AUTS2: variants seen among roughly 807,000 people sequenced by gnomAD.
AUTS2 encodes activator of transcription and developmental regulator AUTS2.
A neutral mutation model predicts 112.4 loss-of-function variants in AUTS2; 17 were observed. The ratio of observed to expected loss-of-function variants is 0.15; its 90% CI spans 0.10 to 0.23. The LOEUF is 0.23. Ranked by LOEUF, AUTS2 falls within the 10% of genes least tolerant of loss-of-function variation. AUTS2 has a pLI of 1.00. For synonymous variants in AUTS2, 751 were observed against 702.7 expected, an observed-to-expected ratio of 1.07 and a Z score of -1.09; for missense variants, 1,510 against 1,701.6, an observed-to-expected ratio of 0.89 and a Z score of 1.98.
At chr7:69,932,031 C>T (rs1796245981) in intron 2 of AUTS2, among the ~76,000 whole-genome samples, 1 of 152,158 alleles carries the variant, frequency 6.6e-6, no homozygotes, top group African/African-American at 2.4e-5. Context: ...TCAGAATCTC[C>T]CCTGAGTCTG....
At chr7:70,525,914 CT>C (rs1012542358) in intron 5 of AUTS2, among the ~76,000 whole-genome samples, 15 of 152,220 alleles carry the variant, frequency 9.9e-5, no homozygotes, top group African/African-American at 3.6e-4. Flanking sequence ...GCCCTGGCCG[CT>C]GCTCACAGCA....
chr7:69,732,355 A>G (rs948284549), intron 1 of AUTS2, among the ~76,000 whole-genome samples: 2 of 151,946 alleles, frequency 1.3e-5, no homozygotes, highest in African/African-American at 2.4e-5. Context: ...ACCCTACATG[A>G]GGAAGTAAAC....
intron 1 of AUTS2, among the ~76,000 whole-genome samples, chr7:69,863,110 T>C (rs1353434597): frequency 1.3e-5 from 2 of 152,138 alleles, no homozygotes; most frequent in Non-Finnish European, 2.9e-5. Context: ...CATACACATA[T>C]GTGTATATTT....
intron 4 of AUTS2, among the ~76,000 whole-genome samples, chr7:70,231,018 C>T (rs1177226314): frequency 6.6e-6 from 1 of 152,268 alleles, no homozygotes. Context: ...GCTATAGACT[C>T]TCACTGTTGT....
intron 2 of AUTS2, among the ~76,000 whole-genome samples, chr7:70,096,208 C>G (rs1370191666): frequency 1.3e-5 from 2 of 152,106 alleles, no homozygotes; most frequent in Admixed American, 6.6e-5. Context: ...ATGGATATTT[C>G]AAGTACACTG....
chr7:69,796,523 CAAAAAAA>C (rs57474916), intron 1 of AUTS2, among the ~76,000 whole-genome samples: 5 of 126,168 alleles, frequency 4.0e-5, no homozygotes, highest in Admixed American at 8.1e-5. Flanking sequence ...ACTCTGTTTC[CAAAAAAA>C]AAAAAAAAGA....
intron 2 of AUTS2, among the ~76,000 whole-genome samples, chr7:70,014,805 C>A (rs1346801051): frequency 1.3e-5 from 2 of 152,136 alleles, no homozygotes; most frequent in Admixed American, 1.3e-4. Flanking sequence ...AGAATACTGT[C>A]CCCCAGAATA....
At chr7:70,505,993 G>A (rs1450526242) in intron 5 of AUTS2, among the ~76,000 whole-genome samples, 4 of 152,166 alleles carry the variant, frequency 2.6e-5, no homozygotes, top group South Asian at 4.1e-4. Context: ...CCAAGACCAG[G>A]CGCTGGCCTT....
At chr7:69,805,831 A>G (rs1344299236) in intron 1 of AUTS2, among the ~76,000 whole-genome samples, 2 of 152,226 alleles carry the variant, frequency 1.3e-5, no homozygotes, top group Admixed American at 6.5e-5. Context: ...GCAGTGACAG[A>G]AAGTTTTCTT....
chr7:70,677,857 G>A (rs1807998655), intron 5 of AUTS2, among the ~76,000 whole-genome samples: 1 of 152,096 alleles, frequency 6.6e-6, no homozygotes. Flanking sequence ...GCCGAGGCGG[G>A]TGGATCACAA....
chr7:70,672,511 A>G (rs1807695873), intron 5 of AUTS2, among the ~76,000 whole-genome samples: 1 of 152,226 alleles, frequency 6.6e-6, no homozygotes. Flanking sequence ...GTTAAAGGCC[A>G]GAGTTACTCT....
intron 5 of AUTS2, among the ~76,000 whole-genome samples, chr7:70,534,399 T>A (rs751949605): frequency 3.4e-4 from 7 of 20,522 alleles, no homozygotes; most frequent in Non-Finnish European, 6.0e-4. Context: ...AATATGAATT[T>A]GTTTGTTTGT....
intron 4 of AUTS2, among the ~76,000 whole-genome samples, chr7:70,267,452 A>G (rs1343679706): frequency 2.0e-5 from 3 of 152,160 alleles, no homozygotes; most frequent in Non-Finnish European, 4.4e-5. Context: ...AGATTATAGG[A>G]AGCAATGCTG....
chr7:70,100,795 G>A (rs532439498), intron 2 of AUTS2, among the ~76,000 whole-genome samples: 26 of 152,264 alleles, frequency 1.7e-4, no homozygotes, highest in African/African-American at 6.3e-4. Context: ...ATTACAATAG[G>A]AATATGAGGT....
intron 1 of AUTS2, among the ~76,000 whole-genome samples, chr7:69,888,578 G>GT (rs1794385042): frequency 1.1e-5 from 1 of 95,066 alleles, no homozygotes; most frequent in Non-Finnish European, 2.1e-5. Context: ...TATATGTATG[G>GT]TTTTTTAAAT....
intron 4 of AUTS2, among the ~76,000 whole-genome samples, chr7:70,327,675 C>T (rs1007595183): frequency 2.0e-5 from 3 of 152,096 alleles, no homozygotes; most frequent in Non-Finnish European, 4.4e-5. Context: ...ATGTTCTGGG[C>T]GTAATCATCC....
At chr7:70,764,642 AAG>A in intron 7 of AUTS2, 108 bp from the exon 8 acceptor site, 2 of 653,200 alleles carry the variant, frequency 3.1e-6, no homozygotes, top group South Asian at 3.7e-5. Context: ...AGGAAGGGGC[AAG>A]AGAGACTGTG....
At chr7:70,296,707 C>G (rs1401552020) in intron 4 of AUTS2, among the ~76,000 whole-genome samples, 1 of 152,172 alleles carries the variant, frequency 6.6e-6, no homozygotes, top group Non-Finnish European at 1.5e-5. Context: ...CATGCTGAGG[C>G]ATGAACTTCC....
Position 70,792,563 on chromosome 7 carries a change from T to C in AUTS2, c.*1567T>C, listed in dbSNP as rs1792041129. The C allele has an allele frequency of 1.3e-5, 2 of 150,094 alleles. No individual in the cohort carries two copies. Among genetic ancestry groups the C allele is most frequent in the African/African-American group, 4.9e-5 (2 of 40,974 alleles). The allele number at this position is 150,094 out of a possible 1,614,324, so 9.3% of individuals were successfully genotyped here. A position where few individuals can be genotyped will look rare whatever the true frequency, so the allele number is the denominator to read the frequency against. ...AGAGAGATCTATTTTAGTAGTAAAC[T>C]GAAGGTTTAGTTGTGAGCTTCAGAT... is the stretch of plus-strand genomic sequence containing the variant. On this transcript the variant is annotated 3_prime_UTR_variant, in exon 19 of 19. Coordinates refer to ENST00000342771, the MANE Select transcript of AUTS2 (RefSeq NM_015570.4).
Sources: gnomAD v4.1 joint callset for allele counts (sites outside exome capture counted in the v4.1 genomes callset) on GRCh38, gnomAD v4.1.1 for gene constraint, MANE v1.5 for transcripts, NCBI Gene and HGNC (gene_info 2026-07-23, HGNC 2026-07-21) for gene names.